Variants in SLC38A7 observed in about 807,000 individuals in gnomAD.
SLC38A7 encodes the protein sodium-coupled neutral amino acid transporter 7.
SLC38A7 carries 29 observed loss-of-function variants against 50.1 expected under a neutral mutation model. That is an observed-to-expected ratio of 0.58 (90% CI 0.43 to 0.79). The LOEUF is 0.79. Among genes scored for constraint, SLC38A7 ranks in the 30% least tolerant of loss-of-function variants. The pLI is 0.00. For missense variants in SLC38A7, 483 were observed against 610.6 expected, an observed-to-expected ratio of 0.79 and a Z score of 2.20; for synonymous variants, 244 against 245.9, an observed-to-expected ratio of 0.99 and a Z score of 0.07.
chr16:58,669,974 C>CAA (rs113220781), intron 11 of SLC38A7, 139 bp downstream of exon 11: 2,549 of 584,952 alleles, frequency 4.4e-3, no homozygotes, highest in South Asian at 5.6e-3. Context: ...GACTCCGGCT[C>CAA]AAAAAAAAAA....
chr16:58,670,996 T>C (rs1189821569), intron 10 of SLC38A7, 49 bp downstream of exon 10: 2 of 1,549,678 alleles, frequency 1.3e-6, no homozygotes, highest in Admixed American at 2.0e-5. Context: ...AGGCAGGCCC[T>C]GGGAGTCTGT....
At chr16:58,671,901 G>T in intron 9 of SLC38A7, 195 bp downstream of exon 9, 2 of 537,782 alleles carry the variant, frequency 3.7e-6, no homozygotes, top group Non-Finnish European at 6.3e-6. Context: ...CTCACGGAAT[G>T]TTCTGGTGAC....
rs1321991216 is a variant in SLC38A7 at position 58,678,569 on chromosome 16, G to A, written c.470-95C>T. On this transcript the variant is annotated intron_variant, in intron 4 of 11. Coordinates refer to ENST00000219320, the MANE Select transcript of SLC38A7 (RefSeq NM_018231.3). This position sits in a 1 kb window ranked among gnomAD's most constrained non-coding sequence, Gnocchi z 4.0. The stretch of plus-strand genomic sequence containing the variant: ...CCCCAGGACCTCCCTCTGCCTGGAG[G>A]GAGGATTCCCAGATGAATGCTGGGC... The A allele has an allele frequency of 6.4e-7, 1 of 1,555,608 alleles. No individual in the cohort carries two copies. Among genetic ancestry groups the A allele is most frequent in the Non-Finnish European group, 8.7e-7 (1 of 1,144,664 alleles).
At position 58,670,070 on chromosome 16, in the gene SLC38A7, C is replaced by A. The variant is rs989222809; in HGVS notation, c.1286+43G>T. The stretch of plus-strand genomic sequence containing the variant: ...GGCCCCCACAAAGCCACATTCCAAT[C>A]CAGCACCTCCCTGAGAGGATCAAGG... On this transcript the variant is annotated intron_variant, in intron 11 of 11. Coordinates refer to ENST00000219320, the MANE Select transcript of SLC38A7 (RefSeq NM_018231.3). The A allele has an allele frequency of 5.0e-6, 8 of 1,600,970 alleles. No homozygotes were observed. In the South Asian group the frequency reaches 6.6e-5, roughly 13 times the overall value.
chr16:58,676,796 C>T (rs139039136), intron 6 of SLC38A7, among the ~76,000 whole-genome samples: 33 of 152,174 alleles, frequency 2.2e-4, no homozygotes, highest in African/African-American at 7.7e-4. Context: ...CTACTACAGG[C>T]GCCTGCCACC....
chr16:58,669,728 A>G (rs1328545983), intron 11 of SLC38A7, among the ~76,000 whole-genome samples: 1 of 151,646 alleles, frequency 6.6e-6, no homozygotes. Flanking sequence ...TAATGCCAGC[A>G]CTTTGGGAGG....
intron 2 of SLC38A7, chr16:58,681,436 T>C (rs2044386610): frequency 6.6e-6 from 1 of 152,148 alleles, no homozygotes; most frequent in Non-Finnish European, 1.5e-5. Flanking sequence ...AGATGCAGTT[T>C]TTTTTCTTCC....
At chr16:58,669,999 C>A (rs1368342457) in intron 11 of SLC38A7, 114 bp downstream of exon 11, 7 of 889,522 alleles carry the variant, frequency 7.9e-6, no homozygotes, top group South Asian at 2.1e-5. Flanking sequence ...AAAACAAAAA[C>A]CCATGATTTC....
chr16:58,672,454 T>C (rs1420465351), intron 8 of SLC38A7, among the ~76,000 whole-genome samples: 2 of 152,138 alleles, frequency 1.3e-5, no homozygotes, highest in African/African-American at 4.8e-5. Flanking sequence ...AGCCCCCAGC[T>C]TTCTGAGCCT....
chr16:58,676,338 G>T lies in SLC38A7; in HGVS notation c.719C>A (p.Ser240Tyr). The change falls in exon 7 of 12, where the codon TCC (serine) becomes TAC (tyrosine). Residue 240 changes from serine (S) to tyrosine (Y), a missense_variant. Coordinates refer to ENST00000219320, the MANE Select transcript of SLC38A7 (RefSeq NM_018231.3). ...TPGNILTRPA[S>Y]WMAVFNAMPT... is the part of the protein sequence containing the mutation. ...CATGGCATTGAACACAGCCATCCAG[G>T]AAGCCGGCCTGTGAACAAACACACA... 1.9e-6 allele frequency: 3 copies of T among 1,614,178 alleles called. No homozygotes were observed. Among genetic ancestry groups the T allele is most frequent in the Non-Finnish European group, 2.5e-6 (3 of 1,180,042 alleles).
Position 58,672,261 on chromosome 16 carries a change from T to C in SLC38A7, c.884-18A>G. 1 of 1,573,070 alleles carries C rather than the reference T, an allele frequency of 6.4e-7. No individual in the cohort carries two copies. Among genetic ancestry groups the C allele is most frequent in the Non-Finnish European group, 8.6e-7 (1 of 1,158,852 alleles). Reference sequence around the variant, plus strand: ...ACAGATGCCTGTGGGCAGGGACAACTGGGTCAGGGCAACCCTGGGAGGGTA... The same window carrying C: ...ACAGATGCCTGTGGGCAGGGACAACCGGGTCAGGGCAACCCTGGGAGGGTA... On this transcript the variant is annotated intron_variant, in intron 8 of 11. Transcript: ENST00000219320.
At chr16:58,674,525 C>T (rs9926506) in intron 8 of SLC38A7, among the ~76,000 whole-genome samples, 19,201 of 152,090 alleles carry the variant, frequency 0.13, 4,093 homozygotes, top group African/African-American at 0.44. Context: ...GAACCTCCCA[C>T]CTTGGCCTCC....
chr16:58,675,658 G>C (rs939279320), intron 8 of SLC38A7, among the ~76,000 whole-genome samples: 1 of 152,192 alleles, frequency 6.6e-6, no homozygotes, highest in South Asian at 2.1e-4. Flanking sequence ...TCAACTCCAT[G>C]AGGGCAAGAC....
At chr16:58,680,612 T>C (rs1421695998) in intron 2 of SLC38A7, among the ~76,000 whole-genome samples, 1 of 152,166 alleles carries the variant, frequency 6.6e-6, no homozygotes, top group Non-Finnish European at 1.5e-5. Flanking sequence ...TGACCCAGGG[T>C]CATATATTAG....
At chr16:58,674,775 T>C (rs1034769832) in intron 8 of SLC38A7, among the ~76,000 whole-genome samples, 1 of 152,178 alleles carries the variant, frequency 6.6e-6, no homozygotes, top group East Asian at 1.9e-4. Context: ...ATTCAGAGGC[T>C]AGAACAGTAT....
chr16:58,676,305 A>G lies in SLC38A7; in HGVS notation c.752T>C (p.Ile251Thr), dbSNP rs1193856020. Residue 251 changes from isoleucine (I) to threonine (T), a missense_variant, in exon 7 of 12, where the codon ATC becomes ACC. Ile to Thr is a moderately conservative substitution (Grantham distance 89, BLOSUM62 -1). Transcript: ENST00000219320. ...CACTGGCACCTGAAATCCGAAGCAG[A>G]TGGTGGGCATGGCATTGAACACAGC... ...WMAVFNAMPT[I>T]CFGFQCHVSS... 2 of 1,614,208 alleles carry G rather than the reference A, an allele frequency of 1.2e-6. No homozygotes were observed.
rs1011488690 is a variant in SLC38A7 at position 58,680,132 on chromosome 16, C to A, written c.-6G>T. 1 of 1,515,182 alleles carries A rather than the reference C, an allele frequency of 6.6e-7. No homozygotes were observed. Among genetic ancestry groups the A allele is most frequent in the Admixed American group, 2.2e-5 (1 of 45,096 alleles). The allele number at this position is 1,515,182 out of a possible 1,614,324, so 93.9% of individuals were successfully genotyped here. A position where few individuals can be genotyped will look rare whatever the true frequency, so the allele number is the denominator to read the frequency against. On this transcript the variant is annotated 5_prime_UTR_variant, in exon 3 of 12. Coordinates refer to ENST00000219320, the MANE Select transcript of SLC38A7 (RefSeq NM_018231.3). ...TTGATGCTGACCTGGGCCATGGCCC[C>A]GAGAGCCTTCTTCCTGCAAGGTCTG...
intron 11 of SLC38A7, among the ~76,000 whole-genome samples, chr16:58,668,322 C>A (rs967805630): frequency 9.9e-5 from 15 of 151,980 alleles, no homozygotes; most frequent in Non-Finnish European, 1.8e-4. Context: ...CGCCTGTAAT[C>A]CCAGAACTTT....
At position 58,678,775 on chromosome 16, in the gene SLC38A7, T is replaced by G. The variant is rs2152082167; in HGVS notation, c.390A>C (p.Leu130=). ...WAVCGKLTGV[L]CEVAIAVYTF... ...TGTAGACAGCGATGGCCACCTCACA[T>G]AGCACACCTGTCAGCTTGCCACACA... Residue 130 remains leucine (L), a synonymous_variant, in exon 4 of 12, where the codon CTA becomes CTC. Transcript: ENST00000219320. This position sits in a 1 kb window ranked among gnomAD's most constrained non-coding sequence, Gnocchi z 4.0. 6.2e-7 allele frequency: 1 copy of G among 1,614,080 alleles called. No homozygotes were observed. The highest frequency in any genetic ancestry group is 8.5e-7 in the Non-Finnish European group (1 of 1,179,994).
Sources: allele counts gnomAD v4.1 joint callset (sites outside exome capture counted in the v4.1 genomes callset), GRCh38; gene constraint gnomAD v4.1.1; non-coding constraint Gnocchi (gnomAD v3.1); transcripts MANE v1.5; gene names NCBI Gene and HGNC (gene_info 2026-07-23, HGNC 2026-07-21).